Variants in SNTN observed in about 807,000 individuals in gnomAD.
The protein encoded by SNTN is sentan, cilia apical structure protein.
SNTN carries 13 observed loss-of-function variants against 12.3 expected under a neutral mutation model. The ratio of observed to expected loss-of-function variants is 1.05; its 90% CI spans 0.69 to 1.67. The LOEUF is 1.67. SNTN is among the 40% of genes most tolerant of loss of function. The pLI is 0.00. For missense variants in SNTN, 189 were observed against 169.8 expected, an observed-to-expected ratio of 1.11 and a Z score of -0.63; for synonymous variants, 69 against 58.5, an observed-to-expected ratio of 1.18 and a Z score of -0.82.
At chr3:63,662,695 T>G (rs2106944511) in intron 3 of SNTN, among the ~76,000 whole-genome samples, 1 of 152,270 alleles carries the variant, frequency 6.6e-6, no homozygotes, top group East Asian at 1.9e-4. Flanking sequence ...AGGGTGATGG[T>G]GACCTCTTGA....
intron 3 of SNTN, among the ~76,000 whole-genome samples, chr3:63,663,188 G>A (rs1235003638): frequency 6.6e-6 from 1 of 152,158 alleles, no homozygotes; most frequent in Non-Finnish European, 1.5e-5. Context: ...GCAGTTAAGA[G>A]TATGGGCTGT....
rs2106945827 is a variant in SNTN, at chr3:63,664,267, C to G, written c.*172C>G. On this transcript the variant is annotated 3_prime_UTR_variant, in exon 4 of 4. Coordinates refer to ENST00000343837, the MANE Select transcript of SNTN (RefSeq NM_001080537.2). The stretch of plus-strand genomic sequence containing the variant: ...ACTCCAAATATTTACCCATACACTT[C>G]AAGAATGTTTGAATGATAAGGTCTC... The G allele has an allele frequency of 1.7e-6, 1 of 595,664 alleles. No homozygotes were observed. Among genetic ancestry groups the G allele is most frequent in the East Asian group, 3.0e-5 (1 of 33,812 alleles). The allele number at this position is 595,664 out of a possible 1,614,324, so 36.9% of individuals were successfully genotyped here. A position where few individuals can be genotyped will look rare whatever the true frequency, so the allele number is the denominator to read the frequency against.
intron 3 of SNTN, chr3:63,663,706 A>G (rs1488929649): frequency 1.5e-6 from 1 of 648,308 alleles, no homozygotes; most frequent in Non-Finnish European, 2.9e-6. Flanking sequence ...GCTCCCCTTC[A>G]CCTTCTACCA....
rs371349227 is a variant in SNTN, at chr3:63,664,015, G to C, written c.364G>C (p.Asp122His). The C allele has an allele frequency of 1.9e-6, 3 of 1,613,848 alleles. No homozygotes were observed. Among genetic ancestry groups the C allele is most frequent in the Non-Finnish European group, 2.5e-6 (3 of 1,179,954 alleles). ...CACAGAAAATAAGCTAGATTTTGAA[G>C]ACTTCATGATCTTGCTCTTAAGCAT... ...EHTENKLDFE[D>H]FMILLLSITV... Residue 122 changes from aspartate (D) to histidine (H), a missense_variant, in exon 4 of 4, where the codon GAC (aspartate) becomes CAC (histidine). Physicochemically the swap from Asp to His is moderately conservative, Grantham distance 81 (BLOSUM62 -1). Transcript: ENST00000343837.
intron 3 of SNTN, among the ~76,000 whole-genome samples, chr3:63,663,374 A>G (rs1700762563): frequency 6.6e-6 from 1 of 152,202 alleles, no homozygotes; most frequent in African/African-American, 2.4e-5. Flanking sequence ...AAGATTTCAC[A>G]TGGTGTTTTA....
intron 2 of SNTN, 56 bp downstream of exon 2, chr3:63,654,852 A>G (rs1422129824): frequency 1.7e-5 from 25 of 1,496,062 alleles, no homozygotes; most frequent in Admixed American, 3.7e-5. Context: ...ATGGCATGCC[A>G]AGTGTTAAAA....
At chr3:63,654,949 T>C (rs1700660696) in intron 2 of SNTN, among the ~76,000 whole-genome samples, 153 bp downstream of exon 2, 1 of 152,196 alleles carries the variant, frequency 6.6e-6, no homozygotes, top group Non-Finnish European at 1.5e-5. Context: ...TTTTTAAAGA[T>C]GTGGGAACTG....
chr3:63,654,866 A>C, intron 2 of SNTN, 70 bp downstream of exon 2: 1 of 1,376,590 alleles, frequency 7.3e-7, no homozygotes, highest in Admixed American at 1.9e-5. Context: ...GTTAAAAAAA[A>C]ATAATAGGAC....
At chr3:63,658,346 C>G (rs1263144865) in intron 2 of SNTN, among the ~76,000 whole-genome samples, 1 of 151,202 alleles carries the variant, frequency 6.6e-6, no homozygotes, top group Non-Finnish European at 1.5e-5. Context: ...CAGACCCACT[C>G]TGTAATTTTT....
At chr3:63,652,874 G>A (rs1700635803) in intron 1 of SNTN, 77 bp downstream of exon 1, 1 of 1,366,598 alleles carries the variant, frequency 7.3e-7, no homozygotes, top group Admixed American at 1.8e-5. Flanking sequence ...TATGTCAACA[G>A]CTTTATAAGC....
intron 3 of SNTN, among the ~76,000 whole-genome samples, chr3:63,660,633 G>T (rs1159868959): frequency 6.6e-6 from 1 of 152,142 alleles, no homozygotes; most frequent in African/African-American, 2.4e-5. Flanking sequence ...GAAAGAAAAT[G>T]ATGACAACCC....
At chr3:63,653,340 G>T (rs1468071543) in intron 1 of SNTN, among the ~76,000 whole-genome samples, 1 of 151,944 alleles carries the variant, frequency 6.6e-6, no homozygotes, top group African/African-American at 2.4e-5. Flanking sequence ...GCAATAGAAA[G>T]AAATACATGC....
intron 3 of SNTN, 94 bp from the exon 4 acceptor site, chr3:63,663,843 C>T: frequency 1.4e-6 from 2 of 1,457,238 alleles, no homozygotes; most frequent in East Asian, 2.3e-5. Flanking sequence ...TATTCTATTA[C>T]AGCAACACTA....
chr3:63,656,317 G>C (rs1700679362), intron 2 of SNTN, among the ~76,000 whole-genome samples: 1 of 152,044 alleles, frequency 6.6e-6, no homozygotes, highest in Non-Finnish European at 1.5e-5. Context: ...AACATGCCAG[G>C]GCCTGGGAAT....
intron 1 of SNTN, 21 bp from the exon 2 acceptor site, chr3:63,654,741 T>C: frequency 6.2e-7 from 1 of 1,611,280 alleles, no homozygotes; most frequent in Non-Finnish European, 8.5e-7. Context: ...AATCATTCTG[T>C]TTCTTTCATT....
At chr3:63,656,058 ACTT>A (rs1409603554) in intron 2 of SNTN, among the ~76,000 whole-genome samples, 1 of 152,224 alleles carries the variant, frequency 6.6e-6, no homozygotes, top group Non-Finnish European at 1.5e-5. Flanking sequence ...TGAGCAAACA[ACTT>A]CTCTCCTGTA....
chr3:63,659,899 T>G, intron 3 of SNTN, 35 bp downstream of exon 3: 1 of 1,612,158 alleles, frequency 6.2e-7, no homozygotes, highest in Non-Finnish European at 8.5e-7. Context: ...AAACAGAAAC[T>G]ACACCCTCAT....
In SNTN at chr3:63,662,437, T is replaced by G. The variant is rs17069231; in HGVS notation, c.286-1500T>G. On this transcript the variant is annotated intron_variant, in intron 3 of 3. Transcript: ENST00000343837. ...AATTTTAAAAAGCACCTAAAGGCACTACTGGGAAGATACAAAAAGGTGACA... is the reference window on the plus strand; with the variant it reads ...AATTTTAAAAAGCACCTAAAGGCACGACTGGGAAGATACAAAAAGGTGACA... Among the ~76,000 whole-genome samples, 1,390 of 152,268 alleles carry G rather than the reference T, an allele frequency of 9.1e-3. 20 individuals carry two copies. The highest frequency in any genetic ancestry group is 0.032 in the African/African-American group (1,342 of 41,538).
intron 3 of SNTN, among the ~76,000 whole-genome samples, chr3:63,663,254 G>A (rs1306187152): frequency 6.6e-6 from 1 of 152,088 alleles, no homozygotes; most frequent in Admixed American, 6.5e-5. Flanking sequence ...CCAGCTTGGC[G>A]CAAGTCTCTT....
Sources: allele counts gnomAD v4.1 joint callset (sites outside exome capture counted in the v4.1 genomes callset), GRCh38; gene constraint gnomAD v4.1.1; transcripts MANE v1.5; gene names NCBI Gene and HGNC (gene_info 2026-07-23, HGNC 2026-07-21).